Variants in SLC1A1 observed in about 807,000 individuals in gnomAD.
SLC1A1 encodes the protein excitatory amino acid transporter 3.
In SLC1A1, 43 loss-of-function variants were observed where a neutral mutation model predicts 53.3. The ratio of observed to expected loss-of-function variants is 0.81; its 90% CI spans 0.63 to 1.04. The LOEUF (loss-of-function observed/expected upper bound fraction) is 1.04, where lower values mean the gene tolerates loss of function less well. Among genes scored for constraint, SLC1A1 ranks in the 50% least tolerant of loss-of-function variants. The probability of loss-of-function intolerance (pLI) is 0.00; values close to 1 mark genes in which losing one functional copy is unlikely to be tolerated. For missense variants in SLC1A1, 748 were observed against 664.9 expected (o/e 1.12, Z -1.37); for synonymous variants, 307 against 243.2 (o/e 1.26, Z -2.44).
At position 4,583,414 on chromosome 9, in the gene SLC1A1, G is replaced by A. The variant is rs1821287738; in HGVS notation, c.1328+242G>A. ...GCTCATTATACCTGGTAACACTCAA[G>A]CTTAGGAGCTGGGTGTGGGACAGAG... On this transcript the variant is annotated intron_variant, in intron 11 of 11. Transcript: ENST00000262352. This position sits in a 1 kb window ranked among gnomAD's most constrained non-coding sequence, Gnocchi z 4.6. Among the ~76,000 whole-genome samples the A allele has an allele frequency of 6.6e-6, 1 of 152,174 alleles. No individual in the cohort carries two copies. Among genetic ancestry groups the A allele is most frequent in the African/African-American group, 2.4e-5 (1 of 41,432 alleles).
chr9:4,578,856 G>A (rs1452947315), intron 10 of SLC1A1, among the ~76,000 whole-genome samples: 2 of 152,138 alleles, frequency 1.3e-5, no homozygotes, highest in East Asian at 3.8e-4. Flanking sequence ...TGATAGGCTG[G>A]GATTAGAGTT....
chr9:4,564,846 G>C, intron 4 of SLC1A1, among the ~76,000 whole-genome samples: 1 of 152,180 alleles, frequency 6.6e-6, no homozygotes, highest in South Asian at 2.1e-4. Context: ...AAAAATACCA[G>C]TTAAAGCAGA....
At chr9:4,580,651 G>GTGTGTGTGTGTGTATGTGTGTA (rs370378540) in intron 10 of SLC1A1, among the ~76,000 whole-genome samples, 3 of 118,844 alleles carry the variant, frequency 2.5e-5, no homozygotes, top group African/African-American at 1.0e-4. Context: ...GTGTGTGTGT[G>GTGTGTGTGTGTGTATGTGTGTA]TATAAGGAAT....
At position 4,572,391 on chromosome 9, in the gene SLC1A1, G is replaced by C; in HGVS notation, c.767+3G>C. 6.2e-7 allele frequency: 1 copy of C among 1,612,142 alleles called. No homozygotes were observed. The highest frequency in any genetic ancestry group is 8.5e-7 in the Non-Finnish European group (1 of 1,178,206). On this transcript the variant is annotated splice_donor_region_variant and intron_variant, in intron 7 of 11. Coordinates refer to ENST00000262352, the MANE Select transcript of SLC1A1 (RefSeq NM_004170.6). ...AAAATCGTTCAGATCATCATGTGGT[G>C]AGCAGACACTGTTTAATGTCATTTT... is the stretch of plus-strand genomic sequence containing the variant.
chr9:4,519,634 T>A (rs1460524595), intron 1 of SLC1A1, among the ~76,000 whole-genome samples: 1 of 152,252 alleles, frequency 6.6e-6, no homozygotes, highest in Non-Finnish European at 1.5e-5. Flanking sequence ...TGTGCATTCA[T>A]TATTTCACTT....
intron 2 of SLC1A1, 117 bp downstream of exon 2, chr9:4,544,824 T>C: frequency 1.1e-6 from 1 of 909,132 alleles, no homozygotes; most frequent in Non-Finnish European, 1.7e-6. Context: ...CAGTTCATCC[T>C]GGCTCAGAAG....
chr9:4,518,869 G>C (rs988754752), intron 1 of SLC1A1, among the ~76,000 whole-genome samples: 15 of 152,242 alleles, frequency 9.9e-5, no homozygotes, highest in Admixed American at 9.2e-4. Context: ...GTCTGAGTTG[G>C]GTATCATTCC....
At chr9:4,582,902 T>C (rs986157152) in intron 10 of SLC1A1, 136 bp from the exon 11 acceptor site, 1 of 1,127,076 alleles carries the variant, frequency 8.9e-7, no homozygotes, top group South Asian at 1.2e-5. Context: ...GCTCAGCAAG[T>C]CACAGATTCT....
chr9:4,534,164 G>C (rs138800031), intron 1 of SLC1A1, among the ~76,000 whole-genome samples: 3,674 of 152,162 alleles, frequency 0.024, 154 homozygotes, highest in African/African-American at 0.085. Flanking sequence ...AGAGGCAAGA[G>C]CAAACACATT....
Position 4,561,560 on chromosome 9 carries a change from TC to T in SLC1A1, c.325+21del, listed in dbSNP as rs780751739. 3.0e-6 allele frequency: 4 copies of T among 1,350,260 alleles called. No homozygotes were observed. The South Asian group carries it at 4.7e-5, about 16-fold the overall frequency. The allele number at this position is 1,350,260 out of a possible 1,614,324, so 83.6% of individuals were successfully genotyped here. A position where few individuals can be genotyped will look rare whatever the true frequency, so the allele number is the denominator to read the frequency against. On this transcript the variant is annotated intron_variant, in intron 3 of 11. Transcript: ENST00000262352. ...ATTCTAGGTAATACTTATTTCTGAATCCTTACTACTTTATGTAATGGTGATT... is the reference window on the plus strand; with the variant it reads ...ATTCTAGGTAATACTTATTTCTGAATCTTACTACTTTATGTAATGGTGATT...
chr9:4,564,308 T>C, intron 3 of SLC1A1, 36 bp from the exon 4 acceptor site: 1 of 1,444,816 alleles, frequency 6.9e-7, no homozygotes, highest in Non-Finnish European at 9.7e-7. Flanking sequence ...CCCTGGAAGG[T>C]TCCTAATGCT....
intron 10 of SLC1A1, among the ~76,000 whole-genome samples, chr9:4,577,313 C>T (rs1820646514): frequency 6.6e-6 from 1 of 152,154 alleles, no homozygotes; most frequent in Non-Finnish European, 1.5e-5. Context: ...GGGCTAGTTA[C>T]AGCATACAGA....
chr9:4,526,564 T>C lies in SLC1A1; in HGVS notation c.92-18003T>C, dbSNP rs115257114. 4.8e-3 allele frequency among the ~76,000 whole-genome samples: 735 copies of C among 152,234 alleles called. 6 individuals are homozygous for C. Among genetic ancestry groups the C allele is most frequent in the African/African-American group, 0.017 (706 of 41,538 alleles). On this transcript the variant is annotated intron_variant, in intron 1 of 11. Coordinates refer to ENST00000262352, the MANE Select transcript of SLC1A1 (RefSeq NM_004170.6). ...ATGGACCCTCAACCATAATGTTTTATTTGGAAAAAAAGATCTGTGGAGGAT... is the reference window on the plus strand; with the variant it reads ...ATGGACCCTCAACCATAATGTTTTACTTGGAAAAAAAGATCTGTGGAGGAT...
chr9:4,537,531 A>C lies in SLC1A1; in HGVS notation c.92-7036A>C, dbSNP rs889007482. 1.8e-4 allele frequency among the ~76,000 whole-genome samples: 22 copies of C among 123,348 alleles called. 7 individuals carry two copies. The highest frequency in any genetic ancestry group is 6.7e-4 in the African/African-American group (22 of 32,680). The allele number at this position is 123,348 out of a possible 152,430, so 80.9% of individuals were successfully genotyped here. On this transcript the variant is annotated intron_variant, in intron 1 of 11. Transcript: ENST00000262352. ...CCGAGATTGCGCCACTGCAGTCCAC[A>C]GTCCGGCCTGGGCGACAGAGCGAGA...
At chr9:4,525,005 G>C (rs767412146) in intron 1 of SLC1A1, among the ~76,000 whole-genome samples, 9 of 152,252 alleles carry the variant, frequency 5.9e-5, no homozygotes, top group Admixed American at 3.9e-4. Flanking sequence ...CATGAGTTTT[G>C]CTGAGGACAA....
In SLC1A1 at chr9:4,582,492, T is replaced by G. The variant is rs1586867625; in HGVS notation, c.1194-546T>G. ...TAACCATTGTCTCATTCCTTTGCCT[T>G]CACCTGAAATGCCCTTGCCCATCTG... On this transcript the variant is annotated intron_variant, in intron 10 of 11. Coordinates refer to ENST00000262352, the MANE Select transcript of SLC1A1 (RefSeq NM_004170.6). Among the ~76,000 whole-genome samples, 7 of 152,318 alleles carry G rather than the reference T, an allele frequency of 4.6e-5. No homozygotes were observed. In the South Asian group the frequency reaches 1.4e-3, roughly 32 times the overall value.
At chr9:4,563,656 G>A (rs1819198809) in intron 3 of SLC1A1, among the ~76,000 whole-genome samples, 2 of 152,114 alleles carry the variant, frequency 1.3e-5, no homozygotes. Flanking sequence ...CTCTTCTACA[G>A]CCTCCCATCT....
intron 1 of SLC1A1, among the ~76,000 whole-genome samples, chr9:4,522,763 A>T (rs1404946637): frequency 2.0e-5 from 3 of 152,128 alleles, no homozygotes; most frequent in Non-Finnish European, 2.9e-5. Flanking sequence ...AAACCATCAG[A>T]TCTCATGAGA....
intron 2 of SLC1A1, among the ~76,000 whole-genome samples, chr9:4,558,915 C>G (rs535995019): frequency 5.3e-5 from 8 of 152,276 alleles, no homozygotes; most frequent in Admixed American, 3.3e-4. Flanking sequence ...CTTTTTGTTT[C>G]TTTTTAACCT....
Sources: allele counts gnomAD v4.1 joint callset (sites outside exome capture counted in the v4.1 genomes callset), GRCh38; gene constraint gnomAD v4.1.1; non-coding constraint Gnocchi (gnomAD v3.1); transcripts MANE v1.5; gene names NCBI Gene and HGNC (gene_info 2026-07-23, HGNC 2026-07-21).